The following PCDHGB1 variants were observed in gnomAD, a reference collection of about 807,000 sequenced individuals.
PCDHGB1 encodes protocadherin gamma-B1.
Under a neutral mutation model 56.6 loss-of-function variants are expected in PCDHGB1, and 34 were observed. The ratio of observed to expected loss-of-function variants is 0.60; its 90% CI spans 0.46 to 0.80. PCDHGB1 has a LOEUF of 0.80. Among genes scored for constraint, PCDHGB1 ranks in the 30% least tolerant of loss-of-function variants. The pLI is 0.00. For missense variants in PCDHGB1, 1,278 were observed against 1,204.6 expected (o/e 1.06, Z -0.90); for synonymous variants, 561 against 505.9 (o/e 1.11, Z -1.46).
intron 1 of PCDHGB1, chr5:141,414,917 T>A: frequency 6.2e-7 from 1 of 1,614,148 alleles, no homozygotes; most frequent in Non-Finnish European, 8.5e-7. Context: ...GGCGTGGAGC[T>A]GGCGCCCCGC....
At chr5:141,380,772 CTT>C (rs1776732495) in intron 1 of PCDHGB1, among the ~76,000 whole-genome samples, 1 of 152,070 alleles carries the variant, frequency 6.6e-6, no homozygotes, top group Admixed American at 6.6e-5. Context: ...TTAATTGAGA[CTT>C]TTTTAAAACA....
In PCDHGB1 at chr5:141,350,155, G is replaced by A. The variant is rs950480253; in HGVS notation, c.-106G>A. 1 of 998,930 alleles carries A rather than the reference G, an allele frequency of 1.0e-6. No homozygotes were observed. The highest frequency in any genetic ancestry group is 2.8e-5 in the East Asian group (1 of 35,732). 61.9% of individuals were successfully genotyped at this position (998,930 alleles called of 1,614,324 possible). On this transcript the variant is annotated 5_prime_UTR_variant, in exon 1 of 4. Transcript: ENST00000523390. ...AGACGCTGCTCCTGTTCACCCTCGA[G>A]CGCCTAACTAATAAGTCCTAAGCTC...
In PCDHGB1 at chr5:141,432,068, C is replaced by G. The variant is rs1297096209; in HGVS notation, c.2410-62739C>G. ...AACCCCGCCCCTATCCACGGAAACT[C>G]ATATCTCGCTGAACGTGGCAGACAC... On this transcript the variant is annotated intron_variant, in intron 1 of 3. Transcript: ENST00000523390. The surrounding 1 kb of genome is among the most constrained non-coding windows in gnomAD (Gnocchi z 6.0). 6.2e-7 allele frequency: 1 copy of G among 1,614,210 alleles called. No individual in the cohort carries two copies. The highest frequency in any genetic ancestry group is 1.7e-5 in the Admixed American group (1 of 60,028).
rs554845172 is a variant in PCDHGB1 at position 141,485,584 on chromosome 5, G to A, written c.2410-9223G>A. Reference sequence around the variant, plus strand: ...ACGCCCCCCGTTTTCCGCGGCAGCAGCTGGACTTGGAAATTGGGGAGGCAG... The same window carrying A: ...ACGCCCCCCGTTTTCCGCGGCAGCAACTGGACTTGGAAATTGGGGAGGCAG... On this transcript the variant is annotated intron_variant, in intron 1 of 3. Transcript: ENST00000523390. The surrounding 1 kb of genome is among the most constrained non-coding windows in gnomAD (Gnocchi z 5.7). The A allele has an allele frequency of 2.9e-5, 46 of 1,612,498 alleles. 1 individual carries two copies. The South Asian group carries it at 4.5e-4, about 16-fold the overall frequency.
At chr5:141,366,550 T>G in intron 1 of PCDHGB1, 2 of 1,614,254 alleles carry the variant, frequency 1.2e-6, no homozygotes, top group Non-Finnish European at 8.5e-7. Context: ...CCTCGCACTT[T>G]GTGGGCGTGG....
chr5:141,384,709 C>G, intron 1 of PCDHGB1: 2 of 1,614,124 alleles, frequency 1.2e-6, no homozygotes, highest in South Asian at 1.1e-5. Context: ...GAACGCCTGG[C>G]TGTCATACCT....
intron 2 of PCDHGB1, among the ~76,000 whole-genome samples, chr5:141,497,977 G>A (rs1368982839): frequency 6.6e-6 from 1 of 152,216 alleles, no homozygotes; most frequent in Admixed American, 6.5e-5. Context: ...CTCGATGTGG[G>A]AGGCCCCTGC....
At chr5:141,488,525 G>A (rs1040463796) in intron 1 of PCDHGB1, among the ~76,000 whole-genome samples, 1 of 152,182 alleles carries the variant, frequency 6.6e-6, no homozygotes, top group African/African-American at 2.4e-5. Flanking sequence ...TGGGGTGTCA[G>A]AAAAGCTAAG....
At chr5:141,409,936 A>G in intron 1 of PCDHGB1, 2 of 1,613,064 alleles carry the variant, frequency 1.2e-6, no homozygotes, top group Non-Finnish European at 1.7e-6. Context: ...TCGATATGGT[A>G]CCTCGCTCTG....
At chr5:141,433,353 G>C (rs2097584366) in intron 1 of PCDHGB1, 4 of 603,272 alleles carry the variant, frequency 6.6e-6, no homozygotes, top group South Asian at 6.2e-5. Context: ...GCCACCTACT[G>C]TCTGCCTATC....
intron 1 of PCDHGB1, chr5:141,392,643 AAGAC>A: frequency 1.5e-6 from 1 of 663,020 alleles, no homozygotes; most frequent in Middle Eastern, 4.0e-4. Context: ...ACACCTCACG[AAGAC>A]CCGCAGATGC....
intron 1 of PCDHGB1, among the ~76,000 whole-genome samples, chr5:141,488,305 T>C (rs1452293355): frequency 6.6e-6 from 1 of 152,234 alleles, no homozygotes; most frequent in African/African-American, 2.4e-5. Context: ...AAATCACTTA[T>C]GTCAGAAAAC....
intron 1 of PCDHGB1, among the ~76,000 whole-genome samples, chr5:141,435,462 T>G (rs1206913100): frequency 6.6e-6 from 1 of 152,230 alleles, no homozygotes; most frequent in Non-Finnish European, 1.5e-5. Flanking sequence ...TGTATGTGTT[T>G]CCAAGTTAGA....
intron 1 of PCDHGB1, chr5:141,355,705 G>A (rs752821491): frequency 1.2e-6 from 2 of 1,613,940 alleles, no homozygotes; most frequent in Non-Finnish European, 1.7e-6. Flanking sequence ...CTCCCTGCAG[G>A]GTTACCAGCT....
chr5:141,393,249 G>C, intron 1 of PCDHGB1: 7 of 1,613,786 alleles, frequency 4.3e-6, no homozygotes, highest in Non-Finnish European at 5.9e-6. Context: ...TAACGAAATC[G>C]CGGTTCCTGG....
At chr5:141,419,972 C>T (rs534128024) in intron 1 of PCDHGB1, 3 of 1,613,948 alleles carry the variant, frequency 1.9e-6, no homozygotes, top group South Asian at 1.1e-5. Flanking sequence ...GCTCTTTCTC[C>T]TCGCGGTGAT....
At chr5:141,394,798 T>C (rs770334197) in intron 1 of PCDHGB1, 1 of 1,613,818 alleles carries the variant, frequency 6.2e-7, no homozygotes, top group Non-Finnish European at 8.5e-7. Flanking sequence ...ACGCTCACCG[T>C]AGCCGTGGCT....
intron 1 of PCDHGB1, chr5:141,370,893 C>A (rs116495533): frequency 6.2e-7 from 1 of 1,613,944 alleles, no homozygotes; most frequent in African/African-American, 1.3e-5. Flanking sequence ...TGTCAATTCG[C>A]TGCAGCAGTA....
chr5:141,491,571 C>CT lies in PCDHGB1; in HGVS notation c.2410-3232dup. On this transcript the variant is annotated intron_variant, in intron 1 of 3. Coordinates refer to ENST00000523390, the MANE Select transcript of PCDHGB1 (RefSeq NM_018922.3). The surrounding 1 kb of genome is among the most constrained non-coding windows in gnomAD (Gnocchi z 6.9). ...CGCAGAGCCACTGCTACAGGACGTG[C>CT]TTTTCACCGGCCTCGGACGGCAGTG... 6.2e-7 allele frequency: 1 copy of CT among 1,614,026 alleles called. No homozygotes were observed. Among genetic ancestry groups the CT allele is most frequent in the Non-Finnish European group, 8.5e-7 (1 of 1,180,042 alleles).
Sources: allele counts gnomAD v4.1 joint callset (sites outside exome capture counted in the v4.1 genomes callset), GRCh38; gene constraint gnomAD v4.1.1; non-coding constraint Gnocchi (gnomAD v3.1); transcripts MANE v1.5; gene names NCBI Gene and HGNC (gene_info 2026-07-23, HGNC 2026-07-21).